GPR20: variants seen among roughly 807,000 people sequenced by gnomAD.
The protein encoded by GPR20 is CTD-3064M3.3.
For synonymous variants in GPR20, 241 were observed against 241.9 expected (o/e 1.00, Z 0.04); for missense variants, 494 against 527.4 (o/e 0.94, Z 0.62).
chr8:141,365,014 G>C (rs146982607), intron 1 of GPR20, among the ~76,000 whole-genome samples: 1 of 152,300 alleles, frequency 6.6e-6, no homozygotes, highest in African/African-American at 2.4e-5. Context: ...TGGTCCTTCC[G>C]CCTGAAGCTC....
At position 141,356,776 on chromosome 8, in the gene GPR20, G is replaced by T; in HGVS notation, c.*71C>A. The T allele has an allele frequency of 9.1e-7, 1 of 1,103,654 alleles. No homozygotes were observed. Among genetic ancestry groups the T allele is most frequent in the Non-Finnish European group, 1.3e-6 (1 of 766,372 alleles). The allele number at this position is 1,103,654 out of a possible 1,614,324, so 68.4% of individuals were successfully genotyped here. A position where few individuals can be genotyped will look rare whatever the true frequency, so the allele number is the denominator to read the frequency against. On this transcript the variant is annotated 3_prime_UTR_variant, in exon 2 of 2. Transcript: ENST00000377741. ...CGAGATGGAACCGATTGCCACCCCT[G>T]GCATGGTGGGTGTCCACGCTGGCAT...
At chr8:141,362,786 T>G (rs1458694459) in intron 1 of GPR20, among the ~76,000 whole-genome samples, 1 of 124,702 alleles carries the variant, frequency 8.0e-6, no homozygotes, top group Non-Finnish European at 1.5e-5. Context: ...CTTTCTTTCT[T>G]TTTTTTTTTT....
chr8:141,356,660 A>T lies in GPR20; in HGVS notation c.*187T>A, dbSNP rs372926588. On this transcript the variant is annotated 3_prime_UTR_variant, in exon 2 of 2. Transcript: ENST00000377741. ...ACCGGCATTCAGGCCACCACATCCC[A>T]TCGGAGCCAGTGGCAGACATTGCTA... The T allele has an allele frequency of 1.9e-5, 10 of 527,904 alleles. No individual in the cohort carries two copies. The highest frequency in any genetic ancestry group is 9.1e-5 in the East Asian group (3 of 32,924). The allele number at this position is 527,904 out of a possible 1,614,324, so 32.7% of individuals were successfully genotyped here.
chr8:141,364,858 C>A (rs1381920528), intron 1 of GPR20, among the ~76,000 whole-genome samples: 5 of 152,208 alleles, frequency 3.3e-5, no homozygotes, highest in Non-Finnish European at 5.9e-5. Context: ...CCAGCCCCTC[C>A]TTTCCTCCCC....
intron 1 of GPR20, among the ~76,000 whole-genome samples, chr8:141,359,989 G>A (rs1009209346): frequency 6.6e-6 from 1 of 152,174 alleles, no homozygotes; most frequent in African/African-American, 2.4e-5. Flanking sequence ...AACACAGAAC[G>A]TTTCCTGTGG....
chr8:141,364,102 C>T (rs1355063673), intron 1 of GPR20, among the ~76,000 whole-genome samples: 1 of 152,254 alleles, frequency 6.6e-6, no homozygotes, highest in East Asian at 1.9e-4. Flanking sequence ...GGTCCACTGG[C>T]AGGACCCGGC....
chr8:141,356,525 C>T lies in GPR20; in HGVS notation c.*322G>A. On this transcript the variant is annotated 3_prime_UTR_variant, in exon 2 of 2. Transcript: ENST00000377741. Reference sequence around the variant, plus strand: ...TCTAATCAATGGAATCCACTGTGCCCTTTTTTCTGAGGAACTCCTTCTGGA... The same window carrying T: ...TCTAATCAATGGAATCCACTGTGCCTTTTTTTCTGAGGAACTCCTTCTGGA... 5.4e-6 allele frequency: 2 copies of T among 371,626 alleles called. No homozygotes were observed. Among genetic ancestry groups the T allele is most frequent in the Non-Finnish European group, 9.6e-6 (2 of 208,996 alleles). The allele number at this position is 371,626 out of a possible 1,614,324, so 23.0% of individuals were successfully genotyped here.
chr8:141,356,670 G>A lies in GPR20; in HGVS notation c.*177C>T. On this transcript the variant is annotated 3_prime_UTR_variant, in exon 2 of 2. Coordinates refer to ENST00000377741, the MANE Select transcript of GPR20 (RefSeq NM_005293.3). ...AGGCCACCACATCCCATCGGAGCCAGTGGCAGACATTGCTAATCAACCACA... is the reference window on the plus strand; with the variant it reads ...AGGCCACCACATCCCATCGGAGCCAATGGCAGACATTGCTAATCAACCACA... 3.7e-6 allele frequency: 2 copies of A among 536,018 alleles called. No homozygotes were observed. Among genetic ancestry groups the A allele is most frequent in the South Asian group, 2.9e-5 (1 of 34,124 alleles). 33.2% of individuals were successfully genotyped at this position (536,018 alleles called of 1,614,324 possible). A position where few individuals can be genotyped will look rare whatever the true frequency, so the allele number is the denominator to read the frequency against.
rs1014176534 is a variant in GPR20, at chr8:141,360,543, G to T, written c.-24-2596C>A. On this transcript the variant is annotated intron_variant, in intron 1 of 1. Coordinates refer to ENST00000377741, the MANE Select transcript of GPR20 (RefSeq NM_005293.3). ...TGCCTCCCACAGCGACGGATGTCCC[G>T]ATTCGATTATTACGGGGCCTCTCTG... 4.6e-5 allele frequency among the ~76,000 whole-genome samples: 7 copies of T among 152,164 alleles called. 1 individual carries two copies. The highest frequency in any genetic ancestry group is 1.3e-4 in the Admixed American group (2 of 15,284).
rs745856932 is a variant in GPR20, at chr8:141,357,390, G to A, written c.534C>T (p.Ala178=). 18 of 1,583,388 alleles carry A rather than the reference G, an allele frequency of 1.1e-5. No homozygotes were observed. The highest frequency in any genetic ancestry group is 4.6e-5 in the East Asian group (2 of 43,320). ...CCAGCACCGACAGGGTGACGGCACCGGCGGCCAGCCACACGAAGGCGCACA... is the reference window on the plus strand; with the variant it reads ...CCAGCACCGACAGGGTGACGGCACCAGCGGCCAGCCACACGAAGGCGCACA... The part of the protein sequence containing the change: ...RAVCAFVWLA[A]GAVTLSVLGV... Residue 178 remains alanine (A), a synonymous_variant, in exon 2 of 2, where the codon GCC becomes GCT. Coordinates refer to ENST00000377741, the MANE Select transcript of GPR20 (RefSeq NM_005293.3).
rs748187044 is a variant in GPR20 at position 141,357,771 on chromosome 8, G to A, written c.153C>T (p.Gly51=). Residue 51 remains glycine (G), a synonymous_variant, in exon 2 of 2, where the codon GGC becomes GGT. Transcript: ENST00000377741. Reference sequence around the variant, plus strand: ...GCACCGCCATCAGCGCCAGCCACAGGCCTGGGAAGGTGCCATGCAGCTCCT... The same window carrying A: ...GCACCGCCATCAGCGCCAGCCACAGACCTGGGAAGGTGCCATGCAGCTCCT... ...LDEELHGTFP[G]LWLALMAVHG... is the part of the protein sequence containing the mutation. The A allele has an allele frequency of 3.1e-6, 5 of 1,613,344 alleles. No homozygotes were observed. Among genetic ancestry groups the A allele is most frequent in the Admixed American group, 3.3e-5 (2 of 60,008 alleles).
At chr8:141,365,368 T>A (rs1831799346) in intron 1 of GPR20, among the ~76,000 whole-genome samples, 1 of 152,148 alleles carries the variant, frequency 6.6e-6, no homozygotes, top group Non-Finnish European at 1.5e-5. Flanking sequence ...CCAGCTGGGG[T>A]GCAGGAGGGG....
At position 141,364,681 on chromosome 8, in the gene GPR20, G is replaced by A. The variant is rs115092094; in HGVS notation, c.-25+2520C>T. On this transcript the variant is annotated intron_variant, in intron 1 of 1. Coordinates refer to ENST00000377741, the MANE Select transcript of GPR20 (RefSeq NM_005293.3). ...CTAAGAGCCCTCTTGCTGAGACTGC[G>A]GCTCTAACGGAAACACCAGTGTCTC... Among the ~76,000 whole-genome samples, 1,016 of 152,306 alleles carry A rather than the reference G, an allele frequency of 6.7e-3. 9 individuals are homozygous for A. Among genetic ancestry groups the A allele is most frequent in the African/African-American group, 0.023 (971 of 41,572 alleles).
rs531597763 is a variant in GPR20, at chr8:141,358,673, G to A, written c.-24-726C>T. Reference sequence around the variant, plus strand: ...ATGCCCTGGATGGGGGTCCTCATGAGGGACCTTTACAAAGGGAATTAGGCT... The same window carrying A: ...ATGCCCTGGATGGGGGTCCTCATGAAGGACCTTTACAAAGGGAATTAGGCT... On this transcript the variant is annotated intron_variant, in intron 1 of 1. Coordinates refer to ENST00000377741, the MANE Select transcript of GPR20 (RefSeq NM_005293.3). Among the ~76,000 whole-genome samples the A allele has an allele frequency of 7.2e-5, 11 of 152,342 alleles. 1 individual carries two copies. The Middle Eastern group carries it at 0.01, about 141-fold the overall frequency.
intron 1 of GPR20, among the ~76,000 whole-genome samples, chr8:141,363,594 C>T (rs566880498): frequency 4.6e-5 from 7 of 152,252 alleles, no homozygotes; most frequent in Non-Finnish European, 7.3e-5. Flanking sequence ...GCTGGGCACC[C>T]GGCCATGGAA....
At chr8:141,362,065 T>C (rs1252579751) in intron 1 of GPR20, among the ~76,000 whole-genome samples, 1 of 152,080 alleles carries the variant, frequency 6.6e-6, no homozygotes, top group African/African-American at 2.4e-5. Flanking sequence ...AGGCCTGGAC[T>C]GCTGGGCAGG....
At chr8:141,367,137 A>G (rs1316303043) in intron 1 of GPR20, 64 bp downstream of exon 1, 4 of 152,218 alleles carry the variant, frequency 2.6e-5, no homozygotes, top group Non-Finnish European at 5.9e-5. Context: ...GGAGCAGCTC[A>G]GGAGCCTCCT....
At chr8:141,360,809 T>C (rs1334718625) in intron 1 of GPR20, among the ~76,000 whole-genome samples, 1 of 152,164 alleles carries the variant, frequency 6.6e-6, no homozygotes, top group Non-Finnish European at 1.5e-5. Flanking sequence ...GCCCTGCCAC[T>C]CCCTCAGCTG....
intron 1 of GPR20, among the ~76,000 whole-genome samples, chr8:141,360,561 CCTCTCTGGGGCTCCCACTCACCACCCT>C (rs1831717925): frequency 6.6e-6 from 1 of 152,212 alleles, no homozygotes; most frequent in East Asian, 1.9e-4. Context: ...TATTACGGGG[CCTCTCTGGGGCTCCCACTCACCACCCT>C]CTTTGTTCAG....
Sources: gnomAD v4.1 joint callset for allele counts (sites outside exome capture counted in the v4.1 genomes callset) on GRCh38, gnomAD v4.1.1 for gene constraint, MANE v1.5 for transcripts, NCBI Gene and HGNC (gene_info 2026-07-23, HGNC 2026-07-21) for gene names.